The following AVEN variants were observed in gnomAD, a reference collection of about 807,000 sequenced individuals.
AVEN encodes the protein apoptosis and caspase activation inhibitor.
A neutral mutation model predicts 38.1 loss-of-function variants in AVEN; 41 were observed. The ratio of observed to expected loss-of-function variants is 1.08; its 90% CI spans 0.84 to 1.40. The LOEUF (loss-of-function observed/expected upper bound fraction) is 1.40. AVEN is among the 40% of genes most tolerant of loss of function. AVEN has a pLI of 0.00. For missense variants in AVEN, 605 were observed against 438.8 expected, an observed-to-expected ratio of 1.38 and a Z score of -3.38; for synonymous variants, 206 against 171.8, an observed-to-expected ratio of 1.20 and a Z score of -1.56.
intron 1 of AVEN, among the ~76,000 whole-genome samples, chr15:34,028,782 T>C (rs570779241): frequency 5.9e-5 from 9 of 151,986 alleles, no homozygotes; most frequent in African/African-American, 2.2e-4. Flanking sequence ...AACTAGCACA[T>C]GGGGGGTGAG....
intron 2 of AVEN, among the ~76,000 whole-genome samples, chr15:33,973,230 T>C (rs1237238852): frequency 6.6e-6 from 1 of 152,234 alleles, no homozygotes; most frequent in Non-Finnish European, 1.5e-5. Flanking sequence ...TAGCACTGAA[T>C]AATGTGTTCT....
intron 2 of AVEN, among the ~76,000 whole-genome samples, chr15:33,925,568 C>T (rs969871150): frequency 6.6e-6 from 1 of 152,088 alleles, no homozygotes; most frequent in African/African-American, 2.4e-5. Flanking sequence ...ACAGGTGTGC[C>T]GGTTAATGGC....
At chr15:33,948,342 G>A (rs1010658143) in intron 2 of AVEN, among the ~76,000 whole-genome samples, 1 of 151,826 alleles carries the variant, frequency 6.6e-6, no homozygotes, top group Non-Finnish European at 1.5e-5. Flanking sequence ...TGATCCACCC[G>A]GCTCGGCCTC....
downstream of AVEN, chr15:33,857,979 C>G (rs1260466062): frequency 6.3e-7 from 1 of 1,599,184 alleles, no homozygotes; most frequent in Non-Finnish European, 8.5e-7. Flanking sequence ...CACCACCTCA[C>G]TGGGAAGAAG....
At chr15:34,048,663 G>C (rs985133324) in intron 5 of AVEN, among the ~76,000 whole-genome samples, 3 of 152,198 alleles carry the variant, frequency 2.0e-5, no homozygotes, top group Admixed American at 6.5e-5. Flanking sequence ...ACAAGGAACA[G>C]TGCCCCCACA....
At chr15:33,853,329 T>TC in the AVEN span, among the ~76,000 whole-genome samples, 2 of 152,232 alleles carry the variant, frequency 1.3e-5, no homozygotes, top group Non-Finnish European at 2.9e-5. Context: ...AGATGTTTTC[T>TC]CCCCTGCAAA....
intron 2 of AVEN, among the ~76,000 whole-genome samples, chr15:34,069,422 A>G (rs1900587275): frequency 6.6e-6 from 1 of 151,984 alleles, no homozygotes; most frequent in African/African-American, 2.4e-5. Flanking sequence ...ACGGCACTCC[A>G]GCCTGAAAAC....
At chr15:33,952,703 A>G (rs116896213) in intron 2 of AVEN, among the ~76,000 whole-genome samples, 1,562 of 152,254 alleles carry the variant, frequency 0.01, 14 homozygotes, top group Non-Finnish European at 0.013. Context: ...TGGAACTGAA[A>G]CTATCCAACT....
intron 2 of AVEN, among the ~76,000 whole-genome samples, chr15:34,002,456 C>A (rs602807): frequency 0.5 from 76,639 of 151,848 alleles, 21,756 homozygotes; most frequent in Non-Finnish European, 0.63. Context: ...CCTGTTACTG[C>A]TCTCCAGCAT....
At chr15:33,858,914 C>G (rs892803727) in exon 12 of AVEN, 1 of 152,370 alleles carries the variant, frequency 6.6e-6, no homozygotes, top group Non-Finnish European at 1.5e-5. Context: ...GGCCAAGCAC[C>G]GTCATGAGAC....
intron 2 of AVEN, among the ~76,000 whole-genome samples, chr15:33,981,988 C>T (rs1013098397): frequency 2.0e-5 from 3 of 151,872 alleles, no homozygotes; most frequent in East Asian, 3.9e-4. Flanking sequence ...GTAGCTGGGA[C>T]TACAGGTACA....
chr15:33,917,619 T>A (rs1486038689), intron 2 of AVEN, among the ~76,000 whole-genome samples: 4 of 151,516 alleles, frequency 2.6e-5, no homozygotes, highest in Non-Finnish European at 4.4e-5. Context: ...GGAATATACA[T>A]ATATATACAC....
chr15:33,944,639 C>T (rs1894440743), intron 2 of AVEN, among the ~76,000 whole-genome samples: 1 of 152,142 alleles, frequency 6.6e-6, no homozygotes, highest in Non-Finnish European at 1.5e-5. Context: ...GAAACCCCGT[C>T]TCTATTAAAA....
intron 1 of AVEN, among the ~76,000 whole-genome samples, chr15:34,032,023 G>GCGCACACACACA (rs1555518610): frequency 6.7e-6 from 1 of 148,944 alleles, no homozygotes. Flanking sequence ...GCGCGCACAC[G>GCGCACACACACA]CACACACACA....
intron 2 of AVEN, among the ~76,000 whole-genome samples, chr15:33,967,272 C>T (rs911836203): frequency 6.6e-6 from 1 of 152,048 alleles, no homozygotes; most frequent in Non-Finnish European, 1.5e-5. Flanking sequence ...AAAGTGTATA[C>T]TTTGTCTGGA....
At chr15:33,905,222 A>AC (rs1192672214) in intron 2 of AVEN, among the ~76,000 whole-genome samples, 6 of 150,930 alleles carry the variant, frequency 4.0e-5, no homozygotes, top group South Asian at 2.1e-4. Flanking sequence ...AAACAAACAA[A>AC]AAAACCCACA....
At chr15:33,914,697 G>A (rs985896054) in intron 2 of AVEN, among the ~76,000 whole-genome samples, 1 of 151,576 alleles carries the variant, frequency 6.6e-6, no homozygotes, top group Non-Finnish European at 1.5e-5. Flanking sequence ...ACATGGAGCA[G>A]GAGAAGGCAA....
At chr15:34,043,122 C>T (rs1420764885), upstream of AVEN, among the ~76,000 whole-genome samples, 1 of 151,988 alleles carries the variant, frequency 6.6e-6, no homozygotes, top group Non-Finnish European at 1.5e-5. Context: ...TGACGGGCGC[C>T]TGTAGTCCCA....
intron 2 of AVEN, among the ~76,000 whole-genome samples, chr15:33,944,821 A>C (rs940349173): frequency 5.3e-5 from 8 of 152,010 alleles, no homozygotes; most frequent in South Asian, 2.1e-4. Flanking sequence ...AAAAAAAAAA[A>C]CCCACCAAAA....
Sources: allele counts gnomAD v4.1 joint callset (sites outside exome capture counted in the v4.1 genomes callset), GRCh38; gene constraint gnomAD v4.1.1; transcripts MANE v1.5; gene names NCBI Gene and HGNC (gene_info 2026-07-23, HGNC 2026-07-21).